The following DCAF8L2 variants were observed in gnomAD, a reference collection of about 807,000 sequenced individuals.
DCAF8L2 encodes DDB1 and CUL4 associated factor 8 like 2, also known as DDB1- and CUL4-associated factor 8-like protein 2.
For synonymous variants in DCAF8L2, 200 were observed against 190.9 expected (o/e 1.05, Z -0.39); for missense variants, 430 against 490.7 (o/e 0.88, Z 1.17).
At chrX:27,629,742 C>T (rs149512790) in intron 1 of DCAF8L2, among the ~76,000 whole-genome samples, 5 of 110,935 alleles carry the variant, frequency 4.5e-5, no homozygotes, top group South Asian at 3.7e-4. Context: ...GAAATCAGGA[C>T]GTATTATGCT....
rs537097704 is a variant in DCAF8L2, at chrX:27,674,565, G to A, written c.-219-3271G>A. Among the ~76,000 whole-genome samples, 25 of 111,254 alleles carry A rather than the reference G, an allele frequency of 2.2e-4. No individual in the cohort carries two copies. The South Asian group carries it at 3.8e-3, about 17-fold the overall frequency. Reference sequence around the variant, plus strand: ...TGCACACTGACTTTCTCATGTTCATGTTCAGAGAGCATGAAGCCGTTGTAC... The same window carrying A: ...TGCACACTGACTTTCTCATGTTCATATTCAGAGAGCATGAAGCCGTTGTAC... On this transcript the variant is annotated intron_variant, in intron 2 of 4. Transcript: ENST00000451261.
At chrX:27,514,850 G>A in the DCAF8L2 span, among the ~76,000 whole-genome samples, 1 of 110,655 alleles carries the variant, frequency 9.0e-6, no homozygotes, top group African/African-American at 3.3e-5. Flanking sequence ...TTTATAGATT[G>A]AGAAAGTAGA....
At chrX:27,489,122 G>A in the DCAF8L2 span, among the ~76,000 whole-genome samples, 7 of 111,519 alleles carry the variant, frequency 6.3e-5, no homozygotes, top group Non-Finnish European at 1.1e-4. Flanking sequence ...TTTTGAGACA[G>A]AGTCTCGTTC....
At chrX:27,542,533 CTTTTTTTTTTTTTTT>C in the DCAF8L2 span, among the ~76,000 whole-genome samples, 1 of 33,449 alleles carries the variant, frequency 3.0e-5, no homozygotes, top group Non-Finnish European at 4.8e-5. Flanking sequence ...CCTTTGCCTA[CTTTTTTTTTTTTTTT>C]TTTTTTTTTT....
At chrX:27,611,914 G>C (rs1219145200) in intron 1 of DCAF8L2, among the ~76,000 whole-genome samples, 2 of 111,409 alleles carry the variant, frequency 1.8e-5, no homozygotes, top group African/African-American at 3.3e-5. Flanking sequence ...ACGTGTGCAT[G>C]TTCTTTACAG....
the DCAF8L2 span, among the ~76,000 whole-genome samples, chrX:27,509,451 C>T: frequency 6.2e-5 from 7 of 112,154 alleles, no homozygotes. Flanking sequence ...TGAGAACATT[C>T]GTCAGCCAAT....
intron 1 of DCAF8L2, among the ~76,000 whole-genome samples, chrX:27,592,411 G>GT (rs1214583694): frequency 0.018 from 947 of 51,514 alleles, 8 homozygotes; most frequent in South Asian, 0.047. Flanking sequence ...TTTTTTGTTT[G>GT]TTTTTGTTTT....
the DCAF8L2 span, among the ~76,000 whole-genome samples, chrX:27,554,057 C>T: frequency 2.7e-4 from 30 of 111,458 alleles, no homozygotes; most frequent in African/African-American, 9.8e-4. Context: ...AGTTACAGCC[C>T]TCAAGCTAAG....
chrX:27,519,286 G>T, the DCAF8L2 span: 1 of 1,011,103 alleles, frequency 9.9e-7, no homozygotes, highest in Non-Finnish European at 1.4e-6. Flanking sequence ...ACTGGATCAA[G>T]AATGAAAACG....
intron 2 of DCAF8L2, among the ~76,000 whole-genome samples, chrX:27,668,496 T>C (rs1929821141): frequency 8.9e-6 from 1 of 111,883 alleles, no homozygotes; most frequent in Non-Finnish European, 1.9e-5. Flanking sequence ...AAAGTTACCA[T>C]TTTCTGGACA....
intron 4 of DCAF8L2, among the ~76,000 whole-genome samples, chrX:27,741,241 C>T (rs746413412): frequency 1.8e-4 from 20 of 111,156 alleles, no homozygotes; most frequent in African/African-American, 4.9e-4. Flanking sequence ...TATCCAAAGC[C>T]GATTAAGATT....
intron 2 of DCAF8L2, among the ~76,000 whole-genome samples, chrX:27,635,876 A>G (rs1007423355): frequency 2.8e-5 from 3 of 106,178 alleles, no homozygotes; most frequent in Admixed American, 1.0e-4. Context: ...CACTGGCGCC[A>G]TCTTGGCTCG....
At chrX:27,729,834 A>C (rs1445376739) in intron 4 of DCAF8L2, among the ~76,000 whole-genome samples, 3 of 111,945 alleles carry the variant, frequency 2.7e-5, no homozygotes, top group Non-Finnish European at 3.8e-5. Context: ...CATTCAGTCC[A>C]CTGCAGTCCT....
At position 27,747,010 on chromosome X, in the gene DCAF8L2, A is replaced by G. The variant is rs375379571; in HGVS notation, c.115A>G (p.Ile39Val). ...GGCGGCGACAGAGGCCTCCTCAGAC[A>G]TTGACATAGCGACCTCAGAGCTGAG... ...AVAATEASSD[I>V]DIATSELSVT... Residue 39 changes from isoleucine (I) to valine (V), a missense_variant, in exon 5 of 5, where the codon ATT becomes GTT. Transcript: ENST00000451261. 5.1e-6 allele frequency: 6 copies of G among 1,184,761 alleles called. No individual in the cohort carries two copies. The highest frequency in any genetic ancestry group is 3.1e-5 in the East Asian group (1 of 32,636).
intron 2 of DCAF8L2, among the ~76,000 whole-genome samples, chrX:27,643,796 T>G (rs1928834183): frequency 8.9e-6 from 1 of 111,771 alleles, no homozygotes; most frequent in Non-Finnish European, 1.9e-5. Flanking sequence ...ATACAATACC[T>G]AATATGTGTT....
At chrX:27,600,024 T>C (rs2147118999) in intron 1 of DCAF8L2, among the ~76,000 whole-genome samples, 1 of 112,110 alleles carries the variant, frequency 8.9e-6, no homozygotes, top group East Asian at 2.8e-4. Context: ...AGCAAATGAA[T>C]GATTATTCTA....
At chrX:27,668,018 T>C (rs777543209) in intron 2 of DCAF8L2, among the ~76,000 whole-genome samples, 1 of 111,910 alleles carries the variant, frequency 8.9e-6, no homozygotes, top group East Asian at 2.8e-4. Context: ...ATGTGATGGC[T>C]ATGGTTCTGA....
chrX:27,573,254 T>TCTCACA, the DCAF8L2 span, among the ~76,000 whole-genome samples: 37 of 99,714 alleles, frequency 3.7e-4, no homozygotes, highest in African/African-American at 6.5e-4. Context: ...TCTCTCTCTC[T>TCTCACA]CACACACACA....
rs1273480921 is a variant in DCAF8L2 at position 27,613,168 on chromosome X, C to T, written c.-341-18711C>T. Reference sequence around the variant, plus strand: ...TTCTCCTTGAAGAGGTCCTTCACATCCCTTGTAAGTTGGATTCCTAGGTAT... The same window carrying T: ...TTCTCCTTGAAGAGGTCCTTCACATTCCTTGTAAGTTGGATTCCTAGGTAT... On this transcript the variant is annotated intron_variant, in intron 1 of 4. Transcript: ENST00000451261. Among the ~76,000 whole-genome samples the T allele has an allele frequency of 1.9e-4, 21 of 111,217 alleles. No homozygotes were observed. In the Admixed American group the frequency reaches 2.0e-3, roughly 11 times the overall value.
Sources: allele counts gnomAD v4.1 joint callset (sites outside exome capture counted in the v4.1 genomes callset), GRCh38; gene constraint gnomAD v4.1.1; transcripts MANE v1.5; gene names NCBI Gene and HGNC (gene_info 2026-07-23, HGNC 2026-07-21).